SCN9A: variants seen among roughly 807,000 people sequenced by gnomAD.
The protein encoded by SCN9A is sodium channel protein type 9 subunit alpha.
A neutral mutation model predicts 187.0 loss-of-function variants in SCN9A; 131 were observed. The ratio of observed to expected loss-of-function variants is 0.70; its 90% CI spans 0.61 to 0.81. The LOEUF is 0.81. Among genes scored for constraint, SCN9A ranks in the 30% least tolerant of loss-of-function variants. The pLI is 0.00. For synonymous variants in SCN9A, 809 were observed against 808.6 expected, an observed-to-expected ratio of 1.00 and a Z score of -0.01; for missense variants, 2,252 against 2,396.6, an observed-to-expected ratio of 0.94 and a Z score of 1.26.
At chr2:166,286,098 T>C (rs1233246983) in intron 11 of SCN9A, among the ~76,000 whole-genome samples, 1 of 152,210 alleles carries the variant, frequency 6.6e-6, no homozygotes, top group African/African-American at 2.4e-5. Flanking sequence ...TTCTGAAAAT[T>C]AGTTTATTAG....
chr2:166,237,959 A>G lies in SCN9A; in HGVS notation c.3801+135T>C, dbSNP rs912465572. On this transcript the variant is annotated intron_variant, in intron 20 of 26. Transcript: ENST00000642356. Reference sequence around the variant, plus strand: ...CACTGGCTGTGTTAATATTTCTAAAAGAATAAACCTATAGCCTGAAAATAT... The same window carrying G: ...CACTGGCTGTGTTAATATTTCTAAAGGAATAAACCTATAGCCTGAAAATAT... 2.4e-5 allele frequency: 14 copies of G among 576,126 alleles called. 1 individual carries two copies. The Admixed American group carries it at 4.6e-4, about 19-fold the overall frequency. 35.7% of individuals were successfully genotyped at this position (576,126 alleles called of 1,614,324 possible).
chr2:166,238,094 A>G lies in SCN9A; in HGVS notation c.3801T>C (p.Asp1267=), dbSNP rs202047865. The G allele has an allele frequency of 8.0e-5, 128 of 1,608,186 alleles. 1 individual carries two copies. In the African/African-American group the frequency reaches 1.4e-3, roughly 18 times the overall value. The stretch of plus-strand genomic sequence containing the variant: ...TTAAAATGTACTCAAAAGTACCTAC[A>G]TCAACAATTAGGAAATCCAGCCAAC... The part of the protein sequence containing the change: ...AWCWLDFLIV[D]VSLVTLVANT... The change falls in exon 20 of 27, where the codon GAT becomes GAC. Residue 1267 remains aspartate, a splice_region_variant and synonymous_variant. Coordinates refer to ENST00000642356, the MANE Select transcript of SCN9A (RefSeq NM_001365536.1).
Position 166,305,912 on chromosome 2 carries a change from A to G in SCN9A, c.476T>C (p.Phe159Ser), listed in dbSNP as rs1476336268. ...PDWTKNVEYT[F>S]TGIYTFESLV... The stretch of plus-strand genomic sequence containing the variant: ...TGATTCAAAAGTATATATTCCAGTA[A>G]AAGTGTACCTAAACACAAGATTCCA... The change falls in exon 5 of 27, where the codon TTT (phenylalanine) becomes TCT (serine). Residue 159 changes from phenylalanine to serine, a missense_variant. This residue lies in a region of SCN9A where 1,013 missense variants were observed against 997.4 expected (regional missense o/e 1.02). Coordinates refer to ENST00000642356, the MANE Select transcript of SCN9A (RefSeq NM_001365536.1). The G allele has an allele frequency of 6.2e-7, 1 of 1,613,006 alleles. No individual in the cohort carries two copies. Among genetic ancestry groups the G allele is most frequent in the East Asian group, 2.2e-5 (1 of 44,848 alleles).
chr2:166,231,001 A>T (rs913009953), intron 21 of SCN9A, among the ~76,000 whole-genome samples: 1 of 152,230 alleles, frequency 6.6e-6, no homozygotes, highest in Non-Finnish European at 1.5e-5. Flanking sequence ...GCCCTGCGGC[A>T]TGAATAAATG....
At chr2:166,305,698 G>C (rs548482202) in intron 5 of SCN9A, 94 bp downstream of exon 5, 1 of 1,513,786 alleles carries the variant, frequency 6.6e-7, no homozygotes, top group African/African-American at 1.4e-5. Flanking sequence ...TTCCATGCTG[G>C]AAAAATCAGA....
At chr2:166,265,855 T>G (rs1283545526) in intron 17 of SCN9A, among the ~76,000 whole-genome samples, 6 of 152,046 alleles carry the variant, frequency 3.9e-5, no homozygotes, top group African/African-American at 1.2e-4. Flanking sequence ...GGCATTTCTT[T>G]GTCTTCTTTT....
chr2:166,371,511 C>A (rs117600380), intron 1 of SCN9A, among the ~76,000 whole-genome samples: 3 of 152,116 alleles, frequency 2.0e-5, no homozygotes, highest in East Asian at 1.9e-4. Context: ...GTAAGTGATA[C>A]CTTCAATGAA....
intron 18 of SCN9A, among the ~76,000 whole-genome samples, chr2:166,247,442 G>A (rs1225642522): frequency 6.6e-6 from 1 of 151,918 alleles, no homozygotes; most frequent in Non-Finnish European, 1.5e-5. Flanking sequence ...ATAGGAAGGG[G>A]GTGAATACAA....
At chr2:166,246,244 T>A (rs1695783712) in intron 18 of SCN9A, among the ~76,000 whole-genome samples, 1 of 151,888 alleles carries the variant, frequency 6.6e-6, no homozygotes, top group African/African-American at 2.4e-5. Flanking sequence ...AGTTATATAA[T>A]CTTCTAAGCA....
rs567497690 is a variant in SCN9A, at chr2:166,226,644, T to C, written c.4321A>G (p.Ile1441Val). 9 of 1,589,316 alleles carry C rather than the reference T, an allele frequency of 5.7e-6. No individual in the cohort carries two copies. The highest frequency in any genetic ancestry group is 1.7e-5 in the Admixed American group (1 of 57,792). ...AAAGTGAAGAATGACCCAAAGATGA[T>C]AAAGACGACAAAATAAATATACATG... ...LYMYIYFVVF[I>V]IFGSFFTLNL... is the part of the protein sequence containing the mutation. Residue 1441 changes from isoleucine to valine, a missense_variant, in exon 24 of 27, where the codon ATC becomes GTC. Ile to Val is a conservative substitution (Grantham distance 29). Coordinates refer to ENST00000642356, the MANE Select transcript of SCN9A (RefSeq NM_001365536.1).
chr2:166,305,717 G>T, intron 5 of SCN9A, 75 bp downstream of exon 5: 2 of 1,585,148 alleles, frequency 1.3e-6, no homozygotes, highest in Non-Finnish European at 1.7e-6. Context: ...GACCCCAGAG[G>T]TTTGCTGTTA....
At chr2:166,315,575 A>G (rs1160088059) in intron 1 of SCN9A, among the ~76,000 whole-genome samples, 1 of 152,224 alleles carries the variant, frequency 6.6e-6, no homozygotes, top group Non-Finnish European at 1.5e-5. Context: ...AGAGACCTTG[A>G]TCAGATTTCA....
Position 166,227,693 on chromosome 2 carries a change from A to G in SCN9A, c.4237T>C (p.Tyr1413His). 1 of 1,524,788 alleles carries G rather than the reference A, an allele frequency of 6.6e-7. No homozygotes were observed. The highest frequency in any genetic ancestry group is 1.2e-5 in the South Asian group (1 of 83,826). 94.5% of individuals were successfully genotyped at this position (1,524,788 alleles called of 1,614,324 possible). A position where few individuals can be genotyped will look rare whatever the true frequency, so the allele number is the denominator to read the frequency against. ...ACATTAACAGAATCCACTGCTGCAT[A>G]CATAATAATCGTCCATCCCTTAAAA... ...ATFKGWTIIM[Y>H]AAVDSVNVDK... Residue 1413 changes from tyrosine (Y) to histidine (H), a missense_variant, in exon 23 of 27, where the codon TAT (tyrosine) becomes CAT (histidine). By Grantham distance (83) the Tyr-to-His change is moderately conservative. Around this residue, in one of 7 missense-constraint regions of SCN9A, gnomAD observed 368 missense variants for 408.6 expected, o/e 0.90. Transcript: ENST00000642356.
At chr2:166,200,920 G>A (rs1300194325) in intron 26 of SCN9A, among the ~76,000 whole-genome samples, 1 of 152,190 alleles carries the variant, frequency 6.6e-6, no homozygotes, top group African/African-American at 2.4e-5. Flanking sequence ...ATAGGCGTGA[G>A]CCACAGTGCC....
intron 19 of SCN9A, among the ~76,000 whole-genome samples, chr2:166,240,021 C>T (rs1444026020): frequency 6.6e-6 from 1 of 152,136 alleles, no homozygotes; most frequent in Non-Finnish European, 1.5e-5. Flanking sequence ...GTATACTCTT[C>T]TTTCTGAGGA....
intron 1 of SCN9A, among the ~76,000 whole-genome samples, chr2:166,366,167 T>C (rs574805977): frequency 1.1e-3 from 160 of 152,294 alleles, no homozygotes; most frequent in African/African-American, 3.8e-3. Flanking sequence ...CTAGACCGGA[T>C]CTAATGATTA....
At chr2:166,373,924 C>T (rs908201283) in intron 1 of SCN9A, among the ~76,000 whole-genome samples, 1 of 151,716 alleles carries the variant, frequency 6.6e-6, no homozygotes, top group Non-Finnish European at 1.5e-5. Context: ...CTACTTTTTT[C>T]CTTGCCACAG....
At chr2:166,201,282 A>C (rs13005303) in intron 26 of SCN9A, among the ~76,000 whole-genome samples, 107,909 of 145,652 alleles carry the variant, frequency 0.74, 39,903 homozygotes, top group East Asian at 0.79. Flanking sequence ...TATACTATAC[A>C]TATACATATA....
rs75649786 is a variant in SCN9A, at chr2:166,286,858, G to T, written c.1315-235C>A. The stretch of plus-strand genomic sequence containing the variant: ...GTATTTTAGAATTAAACTATTACAT[G>T]TTATTAATTTGCTTACAGTAAAGAC... On this transcript the variant is annotated intron_variant, in intron 10 of 26. Transcript: ENST00000642356. Among the ~76,000 whole-genome samples the T allele has an allele frequency of 3.5e-4, 54 of 152,214 alleles. 4 individuals carry two copies. In the East Asian group the frequency reaches 0.01, roughly 29 times the overall value.
Sources: allele counts gnomAD v4.1 joint callset (sites outside exome capture counted in the v4.1 genomes callset), GRCh38; gene constraint gnomAD v4.1.1; regional missense constraint gnomAD v4.1.1; transcripts MANE v1.5; gene names NCBI Gene and HGNC (gene_info 2026-07-23, HGNC 2026-07-21).